The following CAMKMT variants were observed in gnomAD, a reference collection of about 807,000 sequenced individuals.
CAMKMT encodes CaM KMT.
A neutral mutation model predicts 48.0 loss-of-function variants in CAMKMT; 53 were observed. The observed-to-expected ratio is 1.10, with a 90% CI of 0.89 to 1.39. The LOEUF is 1.39. Ranked by LOEUF, CAMKMT falls within the 40% of genes most tolerant of loss-of-function variation. CAMKMT has a pLI of 0.00. For synonymous variants in CAMKMT, 165 were observed against 152.3 expected, an observed-to-expected ratio of 1.08 and a Z score of -0.61; for missense variants, 428 against 402.7, an observed-to-expected ratio of 1.06 and a Z score of -0.54.
chr2:44,583,572 T>G (rs1190630702), intron 3 of CAMKMT, among the ~76,000 whole-genome samples: 1 of 152,052 alleles, frequency 6.6e-6, no homozygotes, highest in Non-Finnish European at 1.5e-5. Flanking sequence ...ACAAGAAGGT[T>G]TCTTAAGACC....
intron 1 of CAMKMT, among the ~76,000 whole-genome samples, chr2:44,368,617 A>G (rs1678857296): frequency 6.6e-6 from 1 of 152,138 alleles, no homozygotes; most frequent in Admixed American, 6.5e-5. Context: ...TATTTTTTAC[A>G]TTAGCGGTTT....
intron 7 of CAMKMT, among the ~76,000 whole-genome samples, chr2:44,733,491 A>G (rs910778306): frequency 6.6e-6 from 1 of 152,182 alleles, no homozygotes; most frequent in Non-Finnish European, 1.5e-5. Context: ...TTGAAGAATG[A>G]AAGAAAACAT....
chr2:44,512,520 C>G (rs1008735659), intron 3 of CAMKMT, among the ~76,000 whole-genome samples: 6 of 152,266 alleles, frequency 3.9e-5, no homozygotes, highest in Admixed American at 1.3e-4. Flanking sequence ...CTACAGGTAC[C>G]TAAATTTAAA....
At position 44,675,089 on chromosome 2, in the gene CAMKMT, A is replaced by AGGGGG. The variant is rs1416733313; in HGVS notation, c.377-29194_377-29193insGGGGG. 2.1e-4 allele frequency among the ~76,000 whole-genome samples: 31 copies of AGGGGG among 149,558 alleles called. 1 individual carries two copies. The highest frequency in any genetic ancestry group is 3.4e-4 in the Non-Finnish European group (23 of 67,084). On this transcript the variant is annotated intron_variant, in intron 3 of 10. Coordinates refer to ENST00000378494, the MANE Select transcript of CAMKMT (RefSeq NM_024766.5). ...ATTTACCAACCTTAAGGGGGGGAAA[A>AGGGGG]AAAAAAAGGCAAGCCAGCAAATGAT...
chr2:44,742,622 C>A (rs1363139510), intron 7 of CAMKMT, among the ~76,000 whole-genome samples: 3 of 152,072 alleles, frequency 2.0e-5, no homozygotes, highest in African/African-American at 4.8e-5. Context: ...GTGGTGATGT[C>A]TTTAATCTTT....
chr2:44,448,228 C>T (rs1447923599), intron 3 of CAMKMT, among the ~76,000 whole-genome samples: 1 of 152,112 alleles, frequency 6.6e-6, no homozygotes, highest in Non-Finnish European at 1.5e-5. Flanking sequence ...GCTCCTTACG[C>T]ACGGGTTTGC....
chr2:44,645,146 G>A lies in CAMKMT; in HGVS notation c.377-59137G>A, dbSNP rs545454215. ...TTGATTTGGGAGAAACTAGAAGGCT[G>A]GGAAAGGTAGATGGAAGGTTGTGAT... is the stretch of plus-strand genomic sequence containing the variant. On this transcript the variant is annotated intron_variant, in intron 3 of 10. Transcript: ENST00000378494. Among the ~76,000 whole-genome samples the A allele has an allele frequency of 6.6e-5, 10 of 152,304 alleles. No individual in the cohort carries two copies. The East Asian group carries it at 1.7e-3, about 26-fold the overall frequency.
At chr2:44,609,121 A>G (rs1056473126) in intron 3 of CAMKMT, among the ~76,000 whole-genome samples, 1 of 152,236 alleles carries the variant, frequency 6.6e-6, no homozygotes, top group South Asian at 2.1e-4. Flanking sequence ...TGAAAGACAT[A>G]TACTGTAGCT....
intron 7 of CAMKMT, among the ~76,000 whole-genome samples, chr2:44,720,779 T>C (rs1195505844): frequency 6.6e-6 from 1 of 152,166 alleles, no homozygotes; most frequent in African/African-American, 2.4e-5. Context: ...CTTTGTAATA[T>C]ATTTTCATAT....
At chr2:44,450,863 C>T (rs1232559859) in intron 3 of CAMKMT, among the ~76,000 whole-genome samples, 3 of 151,964 alleles carry the variant, frequency 2.0e-5, no homozygotes, top group African/African-American at 7.3e-5. Context: ...GAAATTTTCT[C>T]CCACTTAAAT....
At chr2:44,659,701 T>C (rs753459627) in intron 3 of CAMKMT, among the ~76,000 whole-genome samples, 3 of 152,204 alleles carry the variant, frequency 2.0e-5, no homozygotes, top group Non-Finnish European at 2.9e-5. Flanking sequence ...TCCCTTAATT[T>C]ATACTGTCTA....
At chr2:44,393,226 T>G (rs1197608369) in intron 3 of CAMKMT, 1 of 152,206 alleles carries the variant, frequency 6.6e-6, no homozygotes, top group Admixed American at 6.5e-5. Flanking sequence ...AAAATAAACC[T>G]CTAGATAACT....
At chr2:44,382,569 C>G (rs540418908) in intron 2 of CAMKMT, among the ~76,000 whole-genome samples, 1 of 152,018 alleles carries the variant, frequency 6.6e-6, no homozygotes, top group Non-Finnish European at 1.5e-5. Context: ...AGCTCCGCCT[C>G]CCGGGTTCAT....
At chr2:44,371,692 C>T (rs912898361) in intron 1 of CAMKMT, among the ~76,000 whole-genome samples, 6 of 152,148 alleles carry the variant, frequency 3.9e-5, no homozygotes, top group African/African-American at 1.4e-4. Context: ...CTCCCATTGC[C>T]CCACCACCAT....
At chr2:44,418,992 A>T (rs1432143311) in intron 3 of CAMKMT, among the ~76,000 whole-genome samples, 1 of 152,214 alleles carries the variant, frequency 6.6e-6, no homozygotes, top group Non-Finnish European at 1.5e-5. Context: ...ATTGCATTTT[A>T]AAAATAATAT....
intron 3 of CAMKMT, among the ~76,000 whole-genome samples, chr2:44,597,459 C>G (rs1443566255): frequency 6.6e-6 from 1 of 152,170 alleles, no homozygotes; most frequent in Non-Finnish European, 1.5e-5. Context: ...ATTCTGAACT[C>G]TTTGTCAATC....
At chr2:44,410,493 T>C (rs1401089883) in intron 3 of CAMKMT, among the ~76,000 whole-genome samples, 2 of 151,450 alleles carry the variant, frequency 1.3e-5, no homozygotes, top group Non-Finnish European at 2.9e-5. Context: ...TACAAGACTC[T>C]TTTTGTGATT....
intron 7 of CAMKMT, among the ~76,000 whole-genome samples, chr2:44,735,416 G>A (rs1030226667): frequency 6.6e-6 from 1 of 151,954 alleles, no homozygotes; most frequent in Admixed American, 6.6e-5. Flanking sequence ...TCTATTCTTT[G>A]TTCCCCCTTT....
chr2:44,760,804 A>T (rs1229023866), intron 9 of CAMKMT, among the ~76,000 whole-genome samples: 3 of 152,086 alleles, frequency 2.0e-5, no homozygotes, highest in Non-Finnish European at 1.5e-5. Flanking sequence ...AAAGCAATGA[A>T]GCTCCTCAGA....
Sources: allele counts gnomAD v4.1 joint callset (sites outside exome capture counted in the v4.1 genomes callset), GRCh38; gene constraint gnomAD v4.1.1; transcripts MANE v1.5; gene names NCBI Gene and HGNC (gene_info 2026-07-23, HGNC 2026-07-21).